LRRC4C: variants seen among roughly 807,000 people sequenced by gnomAD.
LRRC4C encodes leucine-rich repeat-containing protein 4C.
LRRC4C carries 5 observed loss-of-function variants against 33.6 expected under a neutral mutation model. That is an observed-to-expected ratio of 0.15 (90% confidence interval 0.08 to 0.31). LRRC4C has a LOEUF of 0.31. LRRC4C is among the 10% of genes least tolerant of loss of function. The pLI, the probability that LRRC4C is intolerant of heterozygous loss-of-function variation, is 1.00. For synonymous variants in LRRC4C, 329 were observed against 302.0 expected (o/e 1.09, Z -0.93); for missense variants, 560 against 796.7 (o/e 0.70, Z 3.58).
At chr11:40,561,138 C>G (rs1420599040) in intron 3 of LRRC4C, among the ~76,000 whole-genome samples, 1 of 152,078 alleles carries the variant, frequency 6.6e-6, no homozygotes, top group Non-Finnish European at 1.5e-5. Context: ...CTGCGTTCCC[C>G]GGGTTGCTCA....
At chr11:40,438,426 T>G (rs552150170) in intron 3 of LRRC4C, among the ~76,000 whole-genome samples, 2 of 152,230 alleles carry the variant, frequency 1.3e-5, no homozygotes, top group Non-Finnish European at 2.9e-5. Flanking sequence ...AAATTCATAC[T>G]CTAAATTTAC....
intron 1 of LRRC4C, among the ~76,000 whole-genome samples, chr11:41,028,970 A>G (rs577921480): frequency 5.3e-5 from 8 of 151,888 alleles, no homozygotes; most frequent in African/African-American, 1.9e-4. Context: ...TCACACATTT[A>G]TATGTATATA....
At chr11:40,334,364 A>G (rs1324526174) in intron 3 of LRRC4C, among the ~76,000 whole-genome samples, 4 of 152,176 alleles carry the variant, frequency 2.6e-5, no homozygotes, top group South Asian at 2.1e-4. Context: ...ACTATTATCC[A>G]TGAGGCCAGT....
intron 1 of LRRC4C, among the ~76,000 whole-genome samples, chr11:41,024,513 T>G (rs1483928075): frequency 6.6e-6 from 1 of 151,712 alleles, no homozygotes; most frequent in African/African-American, 2.4e-5. Context: ...CAAGACACAT[T>G]CCTTTATCTA....
At chr11:40,184,751 T>C (rs1465288692) in intron 5 of LRRC4C, among the ~76,000 whole-genome samples, 2 of 152,190 alleles carry the variant, frequency 1.3e-5, no homozygotes, top group Non-Finnish European at 2.9e-5. Flanking sequence ...GAATGGCAGA[T>C]AACTGCATCT....
intron 2 of LRRC4C, among the ~76,000 whole-genome samples, chr11:40,668,002 C>T (rs751465333): frequency 2.0e-5 from 3 of 152,130 alleles, no homozygotes; most frequent in Non-Finnish European, 2.9e-5. Flanking sequence ...TTTTCAATTC[C>T]GAGTGTGCTT....
At position 40,909,124 on chromosome 11, in the gene LRRC4C, C is replaced by T. The variant is rs765946802; in HGVS notation, c.-407+24511G>A. Among the ~76,000 whole-genome samples, 6 of 152,008 alleles carry T rather than the reference C, an allele frequency of 3.9e-5. No homozygotes were observed. In the South Asian group the frequency reaches 6.2e-4, roughly 16 times the overall value. ...TGTTACTGTAACATCCCCATTGAAG[C>T]TTTGAGGGTAGGGGTTGGAAATAAT... On this transcript the variant is annotated intron_variant, in intron 2 of 6. Coordinates refer to ENST00000528697, the MANE Select transcript of LRRC4C (RefSeq NM_001258419.2).
At chr11:40,835,301 CAT>C (rs752864676) in intron 2 of LRRC4C, among the ~76,000 whole-genome samples, 14 of 152,138 alleles carry the variant, frequency 9.2e-5, no homozygotes, top group East Asian at 1.9e-4. Context: ...TGCAAGATCA[CAT>C]GTTTTATTAT....
At chr11:41,281,042 TTCTCTCTC>T (rs71063910) in intron 1 of LRRC4C, among the ~76,000 whole-genome samples, 3 of 76,220 alleles carry the variant, frequency 3.9e-5, no homozygotes, top group African/African-American at 1.1e-4. Context: ...AATACATATT[TTCTCTCTC>T]TCTCTCTCTC....
chr11:40,813,769 TG>T (rs1951590512), intron 2 of LRRC4C, among the ~76,000 whole-genome samples: 1 of 151,930 alleles, frequency 6.6e-6, no homozygotes, highest in Non-Finnish European at 1.5e-5. Flanking sequence ...CCATTCCAAA[TG>T]GGAGAAACTG....
At chr11:40,181,132 TCAC>T (rs748186405) in intron 5 of LRRC4C, among the ~76,000 whole-genome samples, 1 of 152,290 alleles carries the variant, frequency 6.6e-6, no homozygotes, top group East Asian at 1.9e-4. Context: ...TTCATTCCCA[TCAC>T]CACAATTCTC....
intron 1 of LRRC4C, among the ~76,000 whole-genome samples, chr11:41,214,759 A>G (rs975566200): frequency 4.0e-5 from 5 of 124,338 alleles, no homozygotes; most frequent in Non-Finnish European, 7.0e-5. Context: ...CAAAAATAAA[A>G]TATATATATA....
chr11:40,669,542 G>A (rs1450042790), intron 2 of LRRC4C, among the ~76,000 whole-genome samples: 1 of 152,160 alleles, frequency 6.6e-6, no homozygotes, highest in African/African-American at 2.4e-5. Context: ...CTGCTATCAA[G>A]TCCTATTGGT....
intron 1 of LRRC4C, among the ~76,000 whole-genome samples, chr11:41,149,510 CAAAAA>C (rs57914595): frequency 1.1e-4 from 6 of 55,520 alleles, no homozygotes; most frequent in African/African-American, 3.5e-4. Flanking sequence ...ACTCCGTCTC[CAAAAA>C]AAAAAAAAAA....
chr11:41,391,491 T>G (rs374394055), intron 1 of LRRC4C, among the ~76,000 whole-genome samples: 6 of 151,918 alleles, frequency 3.9e-5, no homozygotes, highest in East Asian at 1.9e-4. Flanking sequence ...TCTACAAATA[T>G]GTATTGAGCA....
chr11:40,197,919 A>G (rs1052456905), intron 5 of LRRC4C, among the ~76,000 whole-genome samples: 1 of 152,226 alleles, frequency 6.6e-6, no homozygotes, highest in Non-Finnish European at 1.5e-5. Context: ...CAAATACTAT[A>G]TTATTATTTC....
chr11:40,385,887 T>TAAATAAATA (rs529477379), intron 3 of LRRC4C, among the ~76,000 whole-genome samples: 43 of 147,946 alleles, frequency 2.9e-4, no homozygotes, highest in Admixed American at 6.8e-5. Flanking sequence ...AATAAATAAA[T>TAAATAAATA]AAATAAAATA....
At chr11:41,212,444 T>C (rs1393352017) in intron 1 of LRRC4C, among the ~76,000 whole-genome samples, 2 of 152,248 alleles carry the variant, frequency 1.3e-5, no homozygotes, top group Non-Finnish European at 2.9e-5. Context: ...GGGGTACATG[T>C]GCATGATGTG....
chr11:40,910,128 C>A (rs999893325), intron 2 of LRRC4C, among the ~76,000 whole-genome samples: 1 of 152,058 alleles, frequency 6.6e-6, no homozygotes, highest in African/African-American at 2.4e-5. Context: ...TAATGCAATT[C>A]TACTAAGGAA....
Sources: allele counts gnomAD v4.1 joint callset (sites outside exome capture counted in the v4.1 genomes callset), GRCh38; gene constraint gnomAD v4.1.1; transcripts MANE v1.5; gene names NCBI Gene and HGNC (gene_info 2026-07-23, HGNC 2026-07-21).